Variants in TCF12 observed in about 807,000 individuals in gnomAD.
TCF12 encodes the protein DNA-binding protein HTF4.
A neutral mutation model predicts 86.0 loss-of-function variants in TCF12; 45 were observed. The ratio of observed to expected loss-of-function variants is 0.52; its 90% CI spans 0.41 to 0.67. The LOEUF (loss-of-function observed/expected upper bound fraction) is 0.67. Ranked by LOEUF, TCF12 falls within the 30% of genes least tolerant of loss-of-function variation. TCF12 has a pLI of 0.00. For synonymous variants in TCF12, 330 were observed against 299.6 expected (o/e 1.10, Z -1.05); for missense variants, 881 against 859.9 (o/e 1.02, Z -0.31).
chr15:57,188,756 G>A (rs1264301739), intron 6 of TCF12, among the ~76,000 whole-genome samples: 2 of 152,150 alleles, frequency 1.3e-5, no homozygotes, highest in Non-Finnish European at 2.9e-5. Flanking sequence ...GAATGAAGTT[G>A]TACTTCTTCA....
Position 57,225,131 on chromosome 15 carries a change from T to A in TCF12, c.580-6021T>A, listed in dbSNP as rs189623338. Among the ~76,000 whole-genome samples the A allele has an allele frequency of 1.7e-3, 252 of 151,914 alleles. 2 individuals are homozygous for A. The highest frequency in any genetic ancestry group is 5.6e-3 in the African/African-American group (233 of 41,424). On this transcript the variant is annotated intron_variant, in intron 8 of 20. Coordinates refer to ENST00000333725, the MANE Select transcript of TCF12 (RefSeq NM_207037.2). ...TTATTTTCTTTGGGATTACGTTGTT[T>A]AAATTTTGATTACCGAAGGAACAAG...
chr15:56,948,912 G>C (rs1286943733), intron 3 of TCF12, among the ~76,000 whole-genome samples: 1 of 152,160 alleles, frequency 6.6e-6, no homozygotes, highest in African/African-American at 2.4e-5. Context: ...AGAAGAAATA[G>C]ACAAGGCCAC....
At chr15:57,112,021 T>G (rs2050527575) in intron 5 of TCF12, among the ~76,000 whole-genome samples, 1 of 152,202 alleles carries the variant, frequency 6.6e-6, no homozygotes, top group Non-Finnish European at 1.5e-5. Flanking sequence ...AACTTCATAG[T>G]GATCACAGGA....
intron 3 of TCF12, among the ~76,000 whole-genome samples, chr15:56,943,901 A>G (rs1366230922): frequency 6.6e-6 from 1 of 152,124 alleles, no homozygotes; most frequent in African/African-American, 2.4e-5. Context: ...CAGGCATTCC[A>G]GCGGCATGAA....
At chr15:57,209,779 C>T (rs1330629896) in intron 8 of TCF12, among the ~76,000 whole-genome samples, 1 of 152,184 alleles carries the variant, frequency 6.6e-6, no homozygotes, top group Non-Finnish European at 1.5e-5. Flanking sequence ...TTTAAAATGG[C>T]TTATAAGACA....
intron 5 of TCF12, among the ~76,000 whole-genome samples, chr15:57,107,822 C>T (rs1242805254): frequency 3.9e-5 from 6 of 152,112 alleles, no homozygotes; most frequent in Admixed American, 2.6e-4. Context: ...GTTGGAGAAT[C>T]GCTTAAGCCC....
Position 56,943,083 on chromosome 15 carries a change from G to A in TCF12, c.148+21985G>A, listed in dbSNP as rs571944531. On this transcript the variant is annotated intron_variant, in intron 3 of 20. Transcript: ENST00000333725. Reference sequence around the variant, plus strand: ...ACCTTATTCCCACTCCTTGGCAGAGGTTTTCCTCTGTTCAGTTTCTCCTGA... The same window carrying A: ...ACCTTATTCCCACTCCTTGGCAGAGATTTTCCTCTGTTCAGTTTCTCCTGA... Among the ~76,000 whole-genome samples, 3 of 152,198 alleles carry A rather than the reference G, an allele frequency of 2.0e-5. No homozygotes were observed. The East Asian group carries it at 5.8e-4, about 29-fold the overall frequency.
chr15:57,114,527 G>T (rs1254221285), intron 5 of TCF12, among the ~76,000 whole-genome samples: 1 of 152,064 alleles, frequency 6.6e-6, no homozygotes, highest in African/African-American at 2.4e-5. Flanking sequence ...TGAGCTCCTG[G>T]AATTAAGCAT....
chr15:57,146,100 T>C (rs531132660), intron 5 of TCF12, among the ~76,000 whole-genome samples: 2 of 152,340 alleles, frequency 1.3e-5, no homozygotes, highest in East Asian at 1.9e-4. Context: ...ATTACTCATA[T>C]TGTTATTACA....
At chr15:57,275,593 A>G (rs968611465) in intron 19 of TCF12, among the ~76,000 whole-genome samples, 2 of 151,884 alleles carry the variant, frequency 1.3e-5, no homozygotes, top group East Asian at 3.9e-4. Context: ...ATTTACCTAC[A>G]GTTTTGAGTT....
chr15:57,291,128 C>A (rs1298903159), downstream of TCF12: 2 of 152,228 alleles, frequency 1.3e-5, no homozygotes, highest in Middle Eastern at 3.4e-3. Context: ...TTAGTAATGT[C>A]ATTTCTCCGT....
At chr15:57,004,204 C>T (rs775601988) in intron 3 of TCF12, among the ~76,000 whole-genome samples, 16 of 151,462 alleles carry the variant, frequency 1.1e-4, no homozygotes, top group Non-Finnish European at 1.5e-4. Flanking sequence ...AGAACCTAAA[C>T]GTAGGTCTTA....
At chr15:57,028,699 T>G (rs2141323403) in intron 3 of TCF12, among the ~76,000 whole-genome samples, 1 of 152,306 alleles carries the variant, frequency 6.6e-6, no homozygotes, top group African/African-American at 2.4e-5. Flanking sequence ...TACCAAAGCT[T>G]TCATTGTCTT....
At chr15:56,976,139 T>C (rs1454065063) in intron 3 of TCF12, among the ~76,000 whole-genome samples, 1 of 151,112 alleles carries the variant, frequency 6.6e-6, no homozygotes, top group African/African-American at 2.4e-5. Context: ...AAGTGGAAAA[T>C]GGAAGGAAAG....
chr15:57,282,726 T>TA, intron 20 of TCF12, 128 bp downstream of exon 20: 1 of 1,159,604 alleles, frequency 8.6e-7, no homozygotes, highest in Admixed American at 2.6e-5. Flanking sequence ...TAATTTGAAA[T>TA]ATAACAGTTT....
chr15:57,070,798 T>C (rs2069304378), intron 4 of TCF12, among the ~76,000 whole-genome samples: 1 of 152,222 alleles, frequency 6.6e-6, no homozygotes, highest in African/African-American at 2.4e-5. Context: ...CAGGTCATTC[T>C]GACCTCAGCA....
At chr15:56,934,864 T>G (rs1317468147) in intron 3 of TCF12, among the ~76,000 whole-genome samples, 1 of 152,140 alleles carries the variant, frequency 6.6e-6, no homozygotes. Flanking sequence ...TTCTTCAGAA[T>G]AAGACATTAA....
chr15:57,141,820 C>A (rs1211030291), intron 5 of TCF12, among the ~76,000 whole-genome samples: 3 of 152,182 alleles, frequency 2.0e-5, no homozygotes, highest in African/African-American at 7.2e-5. Context: ...TTTGCAGTGG[C>A]GGGACACAGG....
chr15:57,231,555 A>G lies in TCF12; in HGVS notation c.685+298A>G, dbSNP rs1037957. 0.99 allele frequency among the ~76,000 whole-genome samples: 151,424 copies of G among 152,270 alleles called. 75,296 individuals are homozygous for G. The highest frequency in any genetic ancestry group is 1 in the East Asian group (5,186 of 5,186). ...CATTTTAGAATTGAAATGTATGAAA[A>G]CTGTTAACTCTAGTTTCTTGTTTAA... On this transcript the variant is annotated intron_variant, in intron 9 of 20. Coordinates refer to ENST00000333725, the MANE Select transcript of TCF12 (RefSeq NM_207037.2).
Sources: gnomAD v4.1 joint callset for allele counts (sites outside exome capture counted in the v4.1 genomes callset) on GRCh38, gnomAD v4.1.1 for gene constraint, MANE v1.5 for transcripts, NCBI Gene and HGNC (gene_info 2026-07-23, HGNC 2026-07-21) for gene names.